The following FUNDC1 variants were observed in gnomAD, a reference collection of about 807,000 sequenced individuals.
FUNDC1 encodes FUN14 domain-containing protein 1.
Under a neutral mutation model 14.5 loss-of-function variants are expected in FUNDC1, and 10 were observed. The observed-to-expected ratio is 0.69, with a 90% confidence interval of 0.43 to 1.17. The LOEUF is 1.17. Among genes scored for constraint, FUNDC1 ranks in the 50% most tolerant of loss-of-function variants. The probability of loss-of-function intolerance (pLI) is 0.00; values close to 1 mark genes in which losing one functional copy is unlikely to be tolerated. For missense variants in FUNDC1, 115 were observed against 113.8 expected, an observed-to-expected ratio of 1.01 and a Z score of -0.05; for synonymous variants, 33 against 39.7, an observed-to-expected ratio of 0.83 and a Z score of 0.64.
intron 3 of FUNDC1, among the ~76,000 whole-genome samples, chrX:44,528,577 A>G (rs1236077947): frequency 8.8e-6 from 1 of 113,121 alleles, no homozygotes; most frequent in Non-Finnish European, 1.9e-5. Flanking sequence ...ATTACTTTGA[A>G]GCTTTTGCAG....
chrX:44,541,666 C>T (rs1014645843), intron 2 of FUNDC1, among the ~76,000 whole-genome samples: 2 of 110,963 alleles, frequency 1.8e-5, no homozygotes, highest in African/African-American at 6.6e-5. Flanking sequence ...ATCAGATCCA[C>T]GACATTTGCT....
At chrX:44,537,742 C>T (rs756793684) in intron 3 of FUNDC1, among the ~76,000 whole-genome samples, 27 of 111,690 alleles carry the variant, frequency 2.4e-4, no homozygotes, top group Non-Finnish European at 5.1e-4. Flanking sequence ...TTCTCTGTAT[C>T]TTTAAAAGTG....
In FUNDC1 at chrX:44,542,789, G is replaced by A; in HGVS notation, c.28+16C>T. ...GAGCCGCGTCCCAGATACCACTTCGGGCCCTGGCCGCTCACCTTGGGGAGG... is the reference window on the plus strand; with the variant it reads ...GAGCCGCGTCCCAGATACCACTTCGAGCCCTGGCCGCTCACCTTGGGGAGG... On this transcript the variant is annotated intron_variant, in intron 1 of 4. Coordinates refer to ENST00000378045, the MANE Select transcript of FUNDC1 (RefSeq NM_173794.4). 2 of 1,166,168 alleles carry A rather than the reference G, an allele frequency of 1.7e-6. No homozygotes were observed. The highest frequency in any genetic ancestry group is 2.3e-6 in the Non-Finnish European group (2 of 871,567).
At chrX:44,526,369 G>A (rs1037914353) in intron 4 of FUNDC1, among the ~76,000 whole-genome samples, 1 of 108,616 alleles carries the variant, frequency 9.2e-6, no homozygotes, top group African/African-American at 3.4e-5. Flanking sequence ...GGCGAAGGTT[G>A]CAGTGAGCCA....
chrX:44,537,041 C>T (rs2038951894), intron 3 of FUNDC1, among the ~76,000 whole-genome samples: 1 of 112,016 alleles, frequency 8.9e-6, no homozygotes, highest in Admixed American at 9.6e-5. Context: ...ACTTTATTTC[C>T]CCTTTCACTT....
intron 3 of FUNDC1, among the ~76,000 whole-genome samples, chrX:44,530,564 C>G (rs1216935011): frequency 9.1e-6 from 1 of 110,330 alleles, no homozygotes; most frequent in Non-Finnish European, 1.9e-5. Flanking sequence ...CGATATCACG[C>G]CACTGCACTC....
intron 3 of FUNDC1, among the ~76,000 whole-genome samples, chrX:44,532,145 A>C (rs914235703): frequency 9.0e-6 from 1 of 110,746 alleles, no homozygotes; most frequent in African/African-American, 3.3e-5. Context: ...CTGTAATCCC[A>C]GCACTTTGGG....
In FUNDC1 at chrX:44,538,459, T is replaced by C. The variant is rs768949506; in HGVS notation, c.261+8A>G. The C allele has an allele frequency of 4.2e-6, 5 of 1,193,308 alleles. No individual in the cohort carries two copies. The South Asian group carries it at 8.9e-5, about 21-fold the overall frequency. The stretch of plus-strand genomic sequence containing the variant: ...AAGCAAAGGCAAGTGCTTAAAGCTC[T>C]GACATACCTGAAGAAGAAGAAAGCC... On this transcript the variant is annotated splice_region_variant and intron_variant, in intron 3 of 4. Coordinates refer to ENST00000378045, the MANE Select transcript of FUNDC1 (RefSeq NM_173794.4).
chrX:44,533,483 C>T (rs763269575), intron 3 of FUNDC1, among the ~76,000 whole-genome samples: 1 of 108,656 alleles, frequency 9.2e-6, no homozygotes, highest in African/African-American at 3.4e-5. Flanking sequence ...CAAAAATTAG[C>T]TGGGTGTGGT....
chrX:44,540,343 G>A (rs1260767802), intron 2 of FUNDC1, among the ~76,000 whole-genome samples: 1 of 110,535 alleles, frequency 9.0e-6, no homozygotes, highest in Admixed American at 9.8e-5. Context: ...GCAACAAATC[G>A]CCTGTATAAT....
At chrX:44,533,229 A>G (rs1201930247) in intron 3 of FUNDC1, among the ~76,000 whole-genome samples, 1 of 111,661 alleles carries the variant, frequency 9.0e-6, no homozygotes, top group East Asian at 2.8e-4. Flanking sequence ...TGTGTTTCTA[A>G]AAGTCTTATT....
chrX:44,523,674 AATAATT>A lies in FUNDC1; in HGVS notation c.*518_*523del, dbSNP rs2038889565. On this transcript the variant is annotated 3_prime_UTR_variant, in exon 5 of 5. Transcript: ENST00000378045. ...TCAGCAGAGTCTGTTTAATATCTTT[AATAATT>A]ATATCATTTCTAAAGCTTTCCACAA... is the stretch of plus-strand genomic sequence containing the variant. 1 of 111,287 alleles carries A rather than the reference AATAATT, an allele frequency of 9.0e-6. No homozygotes were observed. Among genetic ancestry groups the A allele is most frequent in the South Asian group, 3.8e-4 (1 of 2,649 alleles). 9.2% of individuals were successfully genotyped at this position (111,287 alleles called of 1,213,427 possible). A position where few individuals can be genotyped will look rare whatever the true frequency, so the allele number is the denominator to read the frequency against.
intron 4 of FUNDC1, among the ~76,000 whole-genome samples, 156 bp from the exon 5 acceptor site, chrX:44,524,431 A>G (rs1462386752): frequency 1.8e-5 from 2 of 111,462 alleles, no homozygotes; most frequent in Non-Finnish European, 3.8e-5. Context: ...CAGATCATTA[A>G]GAGCTGGGGA....
intron 1 of FUNDC1, 98 bp from the exon 2 acceptor site, chrX:44,542,199 C>A: frequency 1.6e-6 from 1 of 632,403 alleles, no homozygotes; most frequent in South Asian, 3.2e-5. Flanking sequence ...CTCATTAGTT[C>A]TGGCCTACAG....
chrX:44,524,110 C>T lies in FUNDC1; in HGVS notation c.*88G>A. The T allele has an allele frequency of 3.2e-6, 2 of 617,340 alleles. No homozygotes were observed. 50.9% of individuals were successfully genotyped at this position (617,340 alleles called of 1,213,427 possible). On this transcript the variant is annotated 3_prime_UTR_variant, in exon 5 of 5. Transcript: ENST00000378045. ...TAGTTGTTTCTCCTTGCCCTAGAGACTCTGGCAGTATGACTTTTGAGAGAC... is the reference window on the plus strand; with the variant it reads ...TAGTTGTTTCTCCTTGCCCTAGAGATTCTGGCAGTATGACTTTTGAGAGAC...
intron 3 of FUNDC1, among the ~76,000 whole-genome samples, chrX:44,532,799 G>A (rs1158807013): frequency 2.7e-5 from 3 of 110,971 alleles, no homozygotes; most frequent in African/African-American, 9.8e-5. Flanking sequence ...CGATCCGCCC[G>A]CCTCGGCCTC....
intron 2 of FUNDC1, among the ~76,000 whole-genome samples, chrX:44,540,417 TG>T (rs2038966702): frequency 1.1e-5 from 1 of 89,509 alleles, no homozygotes; most frequent in Non-Finnish European, 2.0e-5. Context: ...GTGTGTGTTG[TG>T]TGTGTGTGTG....
rs189695622 is a variant in FUNDC1 at position 44,526,028 on chromosome X, A to G, written c.390+1209T>C. On this transcript the variant is annotated intron_variant, in intron 4 of 4. Transcript: ENST00000378045. Reference sequence around the variant, plus strand: ...CTGAGGTGGGAGGACCATTTGAGCCAGGGGAGTCAAGGCTGTAGTGAGCCA... The same window carrying G: ...CTGAGGTGGGAGGACCATTTGAGCCGGGGGAGTCAAGGCTGTAGTGAGCCA... Among the ~76,000 whole-genome samples the G allele has an allele frequency of 1.0e-3, 114 of 108,897 alleles. 1 individual carries two copies. The East Asian group carries it at 0.03, about 29-fold the overall frequency. 94.6% of individuals were successfully genotyped at this position (108,897 alleles called of 115,157 possible).
At chrX:44,534,958 G>A (rs779680105) in intron 3 of FUNDC1, among the ~76,000 whole-genome samples, 22 of 110,967 alleles carry the variant, frequency 2.0e-4, no homozygotes, top group African/African-American at 6.5e-4. Context: ...ACCAGCCTGG[G>A]CAACATAGCA....
Sources: allele counts gnomAD v4.1 joint callset (sites outside exome capture counted in the v4.1 genomes callset), GRCh38; gene constraint gnomAD v4.1.1; transcripts MANE v1.5; gene names NCBI Gene and HGNC (gene_info 2026-07-23, HGNC 2026-07-21).